RGS7: variants seen among roughly 807,000 people sequenced by gnomAD.
RGS7 encodes regulator of G protein signaling 7.
RGS7 carries 27 observed loss-of-function variants against 81.1 expected under a neutral mutation model. The ratio of observed to expected loss-of-function variants is 0.33; its 90% confidence interval spans 0.25 to 0.46. The LOEUF is 0.46. Among genes scored for constraint, RGS7 ranks in the 20% least tolerant of loss-of-function variants. The probability of loss-of-function intolerance (pLI) is 1.00; values close to 1 mark genes in which losing one functional copy is unlikely to be tolerated. For missense variants in RGS7, 396 were observed against 607.4 expected, an observed-to-expected ratio of 0.65 and a Z score of 3.66; for synonymous variants, 208 against 207.7, an observed-to-expected ratio of 1.00 and a Z score of -0.01.
chr1:240,845,559 C>T (rs866011914), intron 9 of RGS7, among the ~76,000 whole-genome samples: 11 of 152,104 alleles, frequency 7.2e-5, no homozygotes, highest in African/African-American at 2.2e-4. Flanking sequence ...GGATTTGACT[C>T]TTAACCATAT....
intron 2 of RGS7, among the ~76,000 whole-genome samples, chr1:241,345,560 C>T (rs1012655109): frequency 5.9e-5 from 9 of 152,028 alleles, no homozygotes; most frequent in Admixed American, 2.0e-4. Context: ...CATTTCTCAA[C>T]GCCTATTTTT....
At chr1:241,145,141 C>T (rs570123536) in intron 2 of RGS7, among the ~76,000 whole-genome samples, 9 of 151,988 alleles carry the variant, frequency 5.9e-5, no homozygotes, top group South Asian at 4.2e-4. Context: ...CTCAGCCTCC[C>T]GAGTGGCTGG....
intron 2 of RGS7, among the ~76,000 whole-genome samples, chr1:241,344,256 T>C (rs1303818451): frequency 6.6e-6 from 1 of 152,192 alleles, no homozygotes; most frequent in Non-Finnish European, 1.5e-5. Flanking sequence ...AAATTGTAAA[T>C]GTTGCTTTAT....
At chr1:241,192,435 C>T (rs1169025434) in intron 2 of RGS7, among the ~76,000 whole-genome samples, 2 of 152,218 alleles carry the variant, frequency 1.3e-5, no homozygotes, top group East Asian at 1.9e-4. Context: ...TTCTTTTCTC[C>T]ACTTTTCAGA....
At chr1:241,022,153 G>C (rs977961928) in intron 3 of RGS7, among the ~76,000 whole-genome samples, 1 of 152,116 alleles carries the variant, frequency 6.6e-6, no homozygotes, top group African/African-American at 2.4e-5. Context: ...TATTAGGTAG[G>C]CCTTTTCAAT....
intron 3 of RGS7, among the ~76,000 whole-genome samples, chr1:241,058,222 G>A (rs1210817518): frequency 4.6e-5 from 7 of 152,162 alleles, no homozygotes; most frequent in Admixed American, 3.3e-4. Context: ...ATCTGGGGGC[G>A]TTCCACCAGT....
At chr1:240,998,731 T>C (rs1687682062) in intron 3 of RGS7, 1 of 893,864 alleles carries the variant, frequency 1.1e-6, no homozygotes, top group Non-Finnish European at 1.8e-6. Flanking sequence ...TCCGTGACGG[T>C]CACCTCATCA....
intron 2 of RGS7, among the ~76,000 whole-genome samples, chr1:241,297,327 G>A (rs1469479344): frequency 6.6e-6 from 1 of 152,238 alleles, no homozygotes; most frequent in Non-Finnish European, 1.5e-5. Context: ...GTGAAGGTGA[G>A]TAGACTGAAT....
intron 2 of RGS7, among the ~76,000 whole-genome samples, chr1:241,172,619 A>C (rs2070817073): frequency 6.6e-6 from 1 of 152,252 alleles, no homozygotes; most frequent in African/African-American, 2.4e-5. Flanking sequence ...AAGACAAAAC[A>C]AATCTGGCTG....
intron 2 of RGS7, among the ~76,000 whole-genome samples, chr1:241,154,875 G>A (rs561863124): frequency 7.2e-5 from 11 of 151,948 alleles, no homozygotes; most frequent in Non-Finnish European, 1.3e-4. Flanking sequence ...TGTAGTCAAC[G>A]GTGAGAGCAA....
chr1:241,235,695 T>TCTCTCTTTCCTTCTCTCTCTCC (rs1491012552), intron 2 of RGS7, among the ~76,000 whole-genome samples: 2 of 150,268 alleles, frequency 1.3e-5, no homozygotes. Flanking sequence ...TCTCTCTCTT[T>TCTCTCTTTCCTTCTCTCTCTCC]CTCTCTTTCC....
At chr1:240,797,982 A>G (rs955732704) in intron 18 of RGS7, among the ~76,000 whole-genome samples, 1 of 152,218 alleles carries the variant, frequency 6.6e-6, no homozygotes, top group African/African-American at 2.4e-5. Flanking sequence ...AATAAGAATA[A>G]TCTATGAAGA....
chr1:240,784,205 AC>A (rs1036302712), intron 18 of RGS7, among the ~76,000 whole-genome samples: 3 of 151,956 alleles, frequency 2.0e-5, no homozygotes, highest in Non-Finnish European at 4.4e-5. Flanking sequence ...AAACAAAAAA[AC>A]AAAACAAAAC....
At chr1:241,116,278 C>G (rs1258833776) in intron 2 of RGS7, among the ~76,000 whole-genome samples, 1 of 152,044 alleles carries the variant, frequency 6.6e-6, no homozygotes, top group Non-Finnish European at 1.5e-5. Context: ...AAATAGAATA[C>G]AGTGAGCCAC....
chr1:241,318,552 G>A (rs527330992), intron 2 of RGS7, among the ~76,000 whole-genome samples: 1 of 152,096 alleles, frequency 6.6e-6, no homozygotes, highest in African/African-American at 2.4e-5. Context: ...TGCCTCCTGG[G>A]TTCAAGCGAT....
At position 240,877,589 on chromosome 1, in the gene RGS7, T is replaced by A. The variant is rs527527167; in HGVS notation, c.386-7470A>T. 1.9e-3 allele frequency among the ~76,000 whole-genome samples: 295 copies of A among 152,296 alleles called. 1 individual carries two copies. Among genetic ancestry groups the A allele is most frequent in the Non-Finnish European group, 3.3e-3 (226 of 68,016 alleles). On this transcript the variant is annotated intron_variant, in intron 6 of 18. Coordinates refer to ENST00000440928, the MANE Select transcript of RGS7 (RefSeq NM_001364886.1). ...ATAAGTGCTGGTCTATAATATTTTT[T>A]AAAAAATTATTTCATGGTAATCCAG...
intron 2 of RGS7, among the ~76,000 whole-genome samples, chr1:241,238,715 C>G (rs1390568403): frequency 6.6e-6 from 1 of 151,592 alleles, no homozygotes; most frequent in Non-Finnish European, 1.5e-5. Flanking sequence ...GCTACTAACC[C>G]TCTCTTAAAT....
At chr1:241,128,075 G>A (rs1206974647) in intron 2 of RGS7, among the ~76,000 whole-genome samples, 2 of 150,456 alleles carry the variant, frequency 1.3e-5, no homozygotes, top group African/African-American at 2.5e-5. Context: ...TCAGGAGACC[G>A]AGACCATCCT....
intron 6 of RGS7, among the ~76,000 whole-genome samples, chr1:240,878,651 G>C (rs1665878805): frequency 6.6e-6 from 1 of 151,792 alleles, no homozygotes; most frequent in Non-Finnish European, 1.5e-5. Context: ...TTTTCCCCAG[G>C]TTTTGGGGGA....
Sources: allele counts gnomAD v4.1 joint callset (sites outside exome capture counted in the v4.1 genomes callset), GRCh38; gene constraint gnomAD v4.1.1; transcripts MANE v1.5; gene names NCBI Gene and HGNC (gene_info 2026-07-23, HGNC 2026-07-21).